LMO3: variants seen among roughly 807,000 people sequenced by gnomAD.
LMO3 encodes the protein LIM domain only protein 3.
LMO3 carries 2 observed loss-of-function variants against 15.8 expected under a neutral mutation model. The observed-to-expected ratio is 0.13, with a 90% CI of 0.05 to 0.40. The LOEUF is 0.40. Ranked by LOEUF, LMO3 falls within the 10% of genes least tolerant of loss-of-function variation. The probability of loss-of-function intolerance (pLI) is 0.99; values close to 1 mark genes in which losing one functional copy is unlikely to be tolerated. For synonymous variants in LMO3, 62 were observed against 63.8 expected, an observed-to-expected ratio of 0.97 and a Z score of 0.13; for missense variants, 86 against 182.2, an observed-to-expected ratio of 0.47 and a Z score of 3.04.
At chr12:16,594,143 A>C in intron 2 of LMO3, 2 of 1,532,346 alleles carry the variant, frequency 1.3e-6, no homozygotes, top group Middle Eastern at 3.4e-4. Context: ...TTACCAAGCT[A>C]TGGTGATTTG....
intron 1 of LMO3, chr12:16,605,734 G>T: frequency 6.5e-7 from 1 of 1,528,600 alleles, no homozygotes; most frequent in Non-Finnish European, 8.8e-7. Flanking sequence ...TGCAGTTCAT[G>T]GTGAACTTTG....
intron 3 of LMO3, among the ~76,000 whole-genome samples, chr12:16,554,849 G>A (rs1178938718): frequency 6.6e-6 from 1 of 151,930 alleles, no homozygotes; most frequent in Non-Finnish European, 1.5e-5. Flanking sequence ...TAGTAGAGAC[G>A]GGGTTTCACC....
In LMO3 at chr12:16,587,330, G is replaced by T. The variant is rs1308626127; in HGVS notation, c.206+13325C>A. ...CTGCAGTGTTACAGCTTTCTAAATG[G>T]TAAGTAACTGTTTAAAAATTCCAAA... On this transcript the variant is annotated intron_variant, in intron 2 of 3. Transcript: ENST00000537304. The surrounding 1 kb of genome is among the most constrained non-coding windows in gnomAD (Gnocchi z 4.3). 6.6e-6 allele frequency among the ~76,000 whole-genome samples: 1 copy of T among 152,080 alleles called. No individual in the cohort carries two copies. Among genetic ancestry groups the T allele is most frequent in the Non-Finnish European group, 1.5e-5 (1 of 67,998 alleles).
In LMO3 at chr12:16,587,301, C is replaced by T. The variant is rs967072924; in HGVS notation, c.206+13354G>A. Among the ~76,000 whole-genome samples the T allele has an allele frequency of 3.9e-5, 6 of 152,276 alleles. No individual in the cohort carries two copies. The highest frequency in any genetic ancestry group is 2.1e-4 in the South Asian group (1 of 4,826). ...AGGATCCAATGCTAACAATTTGTTA[C>T]GCACTGCAGTGTTACAGCTTTCTAA... On this transcript the variant is annotated intron_variant, in intron 2 of 3. Coordinates refer to ENST00000537304, the MANE Select transcript of LMO3 (RefSeq NM_018640.5). The surrounding 1 kb of genome is among the most constrained non-coding windows in gnomAD (Gnocchi z 4.3).
At chr12:16,581,204 C>G (rs1391956946) in intron 2 of LMO3, among the ~76,000 whole-genome samples, 1 of 152,160 alleles carries the variant, frequency 6.6e-6, no homozygotes, top group Non-Finnish European at 1.5e-5. Flanking sequence ...GTCCCTGAAG[C>G]CATGTCCTCA....
At chr12:16,572,418 ATCTT>A (rs1942848368) in intron 2 of LMO3, among the ~76,000 whole-genome samples, 1 of 109,862 alleles carries the variant, frequency 9.1e-6, no homozygotes, top group Non-Finnish European at 1.8e-5. Flanking sequence ...ATGTGTATCT[ATCTT>A]CTTTATTAAA....
In LMO3 at chr12:16,549,641, CAAAGAA is replaced by C. The variant is rs1347338603; in HGVS notation, c.*1575_*1580del. The C allele has an allele frequency of 2.0e-5, 3 of 151,866 alleles. No individual in the cohort carries two copies. The highest frequency in any genetic ancestry group is 4.4e-5 in the Non-Finnish European group (3 of 67,838). The allele number at this position is 151,866 out of a possible 1,614,324, so 9.4% of individuals were successfully genotyped here. A position where few individuals can be genotyped will look rare whatever the true frequency, so the allele number is the denominator to read the frequency against. On this transcript the variant is annotated 3_prime_UTR_variant, in exon 4 of 4. Coordinates refer to ENST00000537304, the MANE Select transcript of LMO3 (RefSeq NM_018640.5). ...CCTATACAAGTGATCAAGAAAAAAA[CAAAGAA>C]AAAGAAAACCCATAGCACTAAGTTT...
At chr12:16,610,149 T>A (rs990319681), upstream of LMO3, 1 of 152,142 alleles carries the variant, frequency 6.6e-6, no homozygotes, top group Admixed American at 6.6e-5. Context: ...CTTTCTCACT[T>A]TCTTCCCGAA....
Position 16,597,679 on chromosome 12 carries a change from T to C in LMO3, c.206+2976A>G, listed in dbSNP as rs1007242994. 6.6e-6 allele frequency: 1 copy of C among 151,942 alleles called. No individual in the cohort carries two copies. The allele number at this position is 151,942 out of a possible 1,614,324, so 9.4% of individuals were successfully genotyped here. On this transcript the variant is annotated intron_variant, in intron 2 of 3. Transcript: ENST00000537304. The surrounding 1 kb of genome is among the most constrained non-coding windows in gnomAD (Gnocchi z 5.0). ...TTATTCTTACTTATGTTCTTAATAA[T>C]TTAGACATGAAATATAAATATGTAA...
chr12:16,608,366 G>T (rs1238280358), upstream of LMO3, among the ~76,000 whole-genome samples: 1 of 151,972 alleles, frequency 6.6e-6, no homozygotes, highest in Non-Finnish European at 1.5e-5. The surrounding 1 kb of genome is among the most constrained non-coding windows in gnomAD (Gnocchi z 4.1). Flanking sequence ...GTTACCCCTC[G>T]CTGGCAACTG....
At chr12:16,562,319 G>C (rs981207654) in intron 2 of LMO3, among the ~76,000 whole-genome samples, 1 of 152,084 alleles carries the variant, frequency 6.6e-6, no homozygotes, top group African/African-American at 2.4e-5. Context: ...TGAGAAATAA[G>C]AAAAACTTAA....
chr12:16,564,216 C>T (rs888736991), intron 2 of LMO3, among the ~76,000 whole-genome samples: 7 of 152,082 alleles, frequency 4.6e-5, no homozygotes, highest in African/African-American at 1.2e-4. Flanking sequence ...GGTAAGAACA[C>T]GGCCTACCTG....
At chr12:16,602,936 A>G (rs188141303) in intron 1 of LMO3, among the ~76,000 whole-genome samples, 1 of 152,176 alleles carries the variant, frequency 6.6e-6, no homozygotes, top group Non-Finnish European at 1.5e-5. Context: ...CGGCCATTCT[A>G]TTAAATTTGT....
In LMO3 at chr12:16,560,931, A is replaced by T. The variant is rs573878754; in HGVS notation, c.207-393T>A. ...TAGTTGGGAAAGGAACCAACTAATG[A>T]ATGATTCACTACTTTTTGACATTTA... On this transcript the variant is annotated intron_variant, in intron 2 of 3. Coordinates refer to ENST00000537304, the MANE Select transcript of LMO3 (RefSeq NM_018640.5). This position sits in a 1 kb window ranked among gnomAD's most constrained non-coding sequence, Gnocchi z 5.0. The T allele has an allele frequency of 1.6e-5, 3 of 188,780 alleles. No homozygotes were observed. Among genetic ancestry groups the T allele is most frequent in the African/African-American group, 7.2e-5 (3 of 41,958 alleles). The allele number at this position is 188,780 out of a possible 1,614,324, so 11.7% of individuals were successfully genotyped here. A position where few individuals can be genotyped will look rare whatever the true frequency, so the allele number is the denominator to read the frequency against.
upstream of LMO3, chr12:16,607,750 G>A (rs1188088729): frequency 6.8e-6 from 1 of 146,944 alleles, no homozygotes; most frequent in Non-Finnish European, 1.5e-5. Context: ...TCTAGCTCTA[G>A]TTTTAAAAAA....
At chr12:16,552,216 C>G (rs1224853984) in intron 3 of LMO3, among the ~76,000 whole-genome samples, 3 of 151,950 alleles carry the variant, frequency 2.0e-5, no homozygotes, top group Non-Finnish European at 4.4e-5. Context: ...AATAAAGTAA[C>G]TCTGGGGAGA....
rs775350108 is a variant in LMO3, at chr12:16,560,442, G to A, written c.303C>T (p.Asp101=). 1 of 1,613,822 alleles carries A rather than the reference G, an allele frequency of 6.2e-7. No homozygotes were observed. The highest frequency in any genetic ancestry group is 8.5e-7 in the Non-Finnish European group (1 of 1,179,874). Residue 101 remains aspartate, a synonymous_variant, in exon 3 of 4, where the codon GAC becomes GAT. Transcript: ENST00000537304. The surrounding 1 kb of genome is among the most constrained non-coding windows in gnomAD (Gnocchi z 5.0). ...GATTACAAAGCTGACATGCAAAGCA[G>A]TCCAGGTGGTAAACATTGTCCTTGG... ...MRAKDNVYHL[D]CFACQLCNQR...
At chr12:16,588,170 C>A (rs1707514125) in intron 2 of LMO3, among the ~76,000 whole-genome samples, 1 of 151,930 alleles carries the variant, frequency 6.6e-6, no homozygotes, top group African/African-American at 2.4e-5. Context: ...CATTTCCATG[C>A]ATTTTCTACT....
intron 1 of LMO3, 161 bp downstream of exon 1, chr12:16,605,905 G>A: frequency 7.2e-7 from 1 of 1,387,124 alleles, no homozygotes; most frequent in Non-Finnish European, 9.9e-7. Context: ...TGCAGCCCGA[G>A]TGAAAGTTGC....
Sources: allele counts gnomAD v4.1 joint callset (sites outside exome capture counted in the v4.1 genomes callset), GRCh38; gene constraint gnomAD v4.1.1; non-coding constraint Gnocchi (gnomAD v3.1); transcripts MANE v1.5; gene names NCBI Gene and HGNC (gene_info 2026-07-23, HGNC 2026-07-21).